The following SS18 variants were observed in gnomAD, a reference collection of about 807,000 sequenced individuals.
SS18 encodes SS18 subunit of BAF chromatin remodeling complex, also known as protein SSXT.
In SS18, 28 loss-of-function variants were observed where a neutral mutation model predicts 72.5. The observed-to-expected ratio is 0.39, with a 90% CI of 0.29 to 0.53. The LOEUF (loss-of-function observed/expected upper bound fraction) is 0.53. SS18 is among the 20% of genes least tolerant of loss of function. The pLI is 0.76. For synonymous variants in SS18, 172 were observed against 164.2 expected, an observed-to-expected ratio of 1.05 and a Z score of -0.37; for missense variants, 518 against 535.3, an observed-to-expected ratio of 0.97 and a Z score of 0.32.
chr18:26,071,444 A>C (rs1215747128), intron 3 of SS18, among the ~76,000 whole-genome samples: 1 of 152,252 alleles, frequency 6.6e-6, no homozygotes, highest in Non-Finnish European at 1.5e-5. Flanking sequence ...TGAATTTTCA[A>C]TAGATACAAG....
At chr18:26,063,037 T>A (rs764512269) in intron 3 of SS18, among the ~76,000 whole-genome samples, 27 of 152,358 alleles carry the variant, frequency 1.8e-4, no homozygotes, top group African/African-American at 3.8e-4. Context: ...AATTTGTATT[T>A]ACAGAATCCA....
intron 3 of SS18, among the ~76,000 whole-genome samples, chr18:26,059,601 T>C (rs897421396): frequency 6.6e-6 from 1 of 152,152 alleles, no homozygotes. Flanking sequence ...CAACTCTCTG[T>C]TGAGACTACA....
intron 4 of SS18, 128 bp downstream of exon 4, chr18:26,057,461 T>G (rs1309828088): frequency 4.6e-6 from 5 of 1,094,456 alleles, no homozygotes; most frequent in Non-Finnish European, 6.7e-6. Context: ...TAACAAACTC[T>G]AAGAGAGCTT....
At chr18:26,068,209 C>T (rs866257465) in intron 3 of SS18, 43 of 152,018 alleles carry the variant, frequency 2.8e-4, no homozygotes, top group African/African-American at 8.9e-4. Flanking sequence ...TATTAAAATA[C>T]GAAATTTTAA....
intron 3 of SS18, among the ~76,000 whole-genome samples, chr18:26,062,974 C>A (rs1309147204): frequency 6.6e-6 from 1 of 151,922 alleles, no homozygotes; most frequent in African/African-American, 2.4e-5. Flanking sequence ...AGAAAAAAAA[C>A]CCTATGAATA....
chr18:26,043,830 GAAC>G (rs769549848), intron 5 of SS18, among the ~76,000 whole-genome samples: 1 of 152,052 alleles, frequency 6.6e-6, no homozygotes. Flanking sequence ...CAAGTAAAGA[GAAC>G]AACAGCTCAT....
At chr18:26,070,060 T>C (rs890535431) in intron 3 of SS18, among the ~76,000 whole-genome samples, 23 of 152,118 alleles carry the variant, frequency 1.5e-4, no homozygotes, top group Non-Finnish European at 2.4e-4. Flanking sequence ...ACAGTGTTCC[T>C]TACTGGGGGT....
chr18:26,044,499 T>A (rs2143923530), intron 5 of SS18, among the ~76,000 whole-genome samples: 1 of 151,734 alleles, frequency 6.6e-6, no homozygotes, highest in Admixed American at 6.6e-5. Flanking sequence ...AATTTTTGTA[T>A]TTTTAGTAGA....
intron 5 of SS18, among the ~76,000 whole-genome samples, chr18:26,051,423 T>C (rs1192416478): frequency 6.6e-6 from 1 of 152,260 alleles, no homozygotes; most frequent in African/African-American, 2.4e-5. Flanking sequence ...AATCTTATTA[T>C]GTCATATCAA....
chr18:26,069,869 C>T (rs1456918960), intron 3 of SS18, among the ~76,000 whole-genome samples: 1 of 152,100 alleles, frequency 6.6e-6, no homozygotes, highest in Admixed American at 6.5e-5. Flanking sequence ...CTAATACTAG[C>T]AGATGATAAA....
At chr18:26,052,569 A>T in intron 5 of SS18, 55 bp downstream of exon 5, 1 of 1,394,288 alleles carries the variant, frequency 7.2e-7, no homozygotes, top group Non-Finnish European at 1.0e-6. Flanking sequence ...CAATCATTTT[A>T]CTTTTCAAAG....
chr18:26,045,314 A>C lies in SS18; in HGVS notation c.608-5858T>G, dbSNP rs76485119. On this transcript the variant is annotated intron_variant, in intron 5 of 10. Coordinates refer to ENST00000415083, the MANE Select transcript of SS18 (RefSeq NM_001007559.3). ...AATCCTTATGGACTGAAAGACTTTC[A>C]AGGCCTAGCCTTCAACTATCTCTTG... Among the ~76,000 whole-genome samples, 1,286 of 152,272 alleles carry C rather than the reference A, an allele frequency of 8.4e-3. 7 individuals are homozygous for C. Among genetic ancestry groups the C allele is most frequent in the Non-Finnish European group, 0.013 (885 of 68,006 alleles).
chr18:26,023,147 C>T lies in SS18; in HGVS notation c.1231-4767G>A, dbSNP rs530464079. Among the ~76,000 whole-genome samples the T allele has an allele frequency of 1.8e-3, 278 of 152,212 alleles. 3 individuals carry two copies. The highest frequency in any genetic ancestry group is 1.4e-3 in the Non-Finnish European group (96 of 68,020). ...AAATTCACAATGTCTGGAATCCAAT[C>T]AAAGATTATCACGCACACAAAGGAC... On this transcript the variant is annotated intron_variant, in intron 10 of 10. Coordinates refer to ENST00000415083, the MANE Select transcript of SS18 (RefSeq NM_001007559.3).
At chr18:26,026,347 T>C (rs2053447005) in intron 10 of SS18, among the ~76,000 whole-genome samples, 2 of 152,176 alleles carry the variant, frequency 1.3e-5, no homozygotes, top group African/African-American at 4.8e-5. Flanking sequence ...TGGTTCACAT[T>C]TGAAACTCAA....
chr18:26,017,804 T>C lies in SS18; in HGVS notation c.*550A>G, dbSNP rs1471598891. Reference sequence around the variant, plus strand: ...TGTCTTCCCCTCACCTTTATCTTTATAGCACACCATTTTGAGACCAAAACA... The same window carrying C: ...TGTCTTCCCCTCACCTTTATCTTTACAGCACACCATTTTGAGACCAAAACA... On this transcript the variant is annotated 3_prime_UTR_variant, in exon 11 of 11. Coordinates refer to ENST00000415083, the MANE Select transcript of SS18 (RefSeq NM_001007559.3). 3 of 225,682 alleles carry C rather than the reference T, an allele frequency of 1.3e-5. No individual in the cohort carries two copies. Among genetic ancestry groups the C allele is most frequent in the African/African-American group, 2.2e-5 (1 of 44,928 alleles). 14.0% of individuals were successfully genotyped at this position (225,682 alleles called of 1,614,324 possible).
At chr18:26,028,263 T>C (rs1311655547) in intron 10 of SS18, among the ~76,000 whole-genome samples, 1 of 152,186 alleles carries the variant, frequency 6.6e-6, no homozygotes, top group Non-Finnish European at 1.5e-5. Flanking sequence ...AGCACACCTA[T>C]TAGAATAAAT....
chr18:26,030,018 A>G (rs1342954280), intron 10 of SS18, among the ~76,000 whole-genome samples: 1 of 152,186 alleles, frequency 6.6e-6, no homozygotes, highest in African/African-American at 2.4e-5. Context: ...CAAATTCCTG[A>G]GAACTTTAGA....
At chr18:26,061,796 T>C (rs1417983317) in intron 3 of SS18, among the ~76,000 whole-genome samples, 1 of 151,892 alleles carries the variant, frequency 6.6e-6, no homozygotes, top group African/African-American at 2.4e-5. Flanking sequence ...ACAAAATATA[T>C]CAAGCTAAAA....
In SS18 at chr18:26,057,569, C is replaced by T; in HGVS notation, c.385+20G>A. On this transcript the variant is annotated intron_variant, in intron 4 of 10. Transcript: ENST00000415083. ...TGCTAAGCAACTCTGGTGTTAATGTCTTAGAGGAGAAAAACTTACCAGGCA... is the reference window on the plus strand; with the variant it reads ...TGCTAAGCAACTCTGGTGTTAATGTTTTAGAGGAGAAAAACTTACCAGGCA... 6.2e-7 allele frequency: 1 copy of T among 1,606,468 alleles called. No homozygotes were observed.
Sources: allele counts gnomAD v4.1 joint callset (sites outside exome capture counted in the v4.1 genomes callset), GRCh38; gene constraint gnomAD v4.1.1; transcripts MANE v1.5; gene names NCBI Gene and HGNC (gene_info 2026-07-23, HGNC 2026-07-21).